Variants in FLI1 observed in about 807,000 individuals in gnomAD.
The protein encoded by FLI1 is Friend leukemia integration 1 transcription factor.
FLI1 carries 13 observed loss-of-function variants against 53.1 expected under a neutral mutation model. The ratio of observed to expected loss-of-function variants is 0.24; its 90% CI spans 0.16 to 0.39. The LOEUF (loss-of-function observed/expected upper bound fraction) is 0.39, where lower values mean the gene tolerates loss of function less well. FLI1 is among the 10% of genes least tolerant of loss of function. The probability of loss-of-function intolerance (pLI) is 1.00; values close to 1 mark genes in which losing one functional copy is unlikely to be tolerated. For missense variants in FLI1, 424 were observed against 600.5 expected, an observed-to-expected ratio of 0.71 and a Z score of 3.07; for synonymous variants, 244 against 236.7, an observed-to-expected ratio of 1.03 and a Z score of -0.28.
intron 5 of FLI1, among the ~76,000 whole-genome samples, chr11:128,789,109 G>A (rs761416389): frequency 6.6e-5 from 10 of 152,206 alleles, no homozygotes; most frequent in Non-Finnish European, 1.5e-4. Context: ...GCTGGAAATA[G>A]ATGTTGAAGC....
chr11:128,807,222 A>G lies in FLI1; in HGVS notation c.764A>G (p.Glu255Gly). ...GCACAAACGATCAGTAAGAATACAG[A>G]GCAACGGCCCCAGCCAGGTACCTGC... ...GGAQTISKNTEQRPQPDPYQI... is the reference protein window; with the variant it reads ...GGAQTISKNTGQRPQPDPYQI... Residue 255 changes from glutamate (E) to glycine (G), a missense_variant, in exon 7 of 9, where the codon GAG (glutamate) becomes GGG (glycine). Physicochemically the swap from Glu to Gly is moderately conservative, Grantham distance 98. This residue lies in a region of FLI1 where 71 missense variants were observed against 174.2 expected (regional missense o/e 0.41). Transcript: ENST00000527786. 1 of 1,599,396 alleles carries G rather than the reference A, an allele frequency of 6.3e-7. No individual in the cohort carries two copies. The highest frequency in any genetic ancestry group is 8.5e-7 in the Non-Finnish European group (1 of 1,172,712).
At chr11:128,746,166 C>T (rs536783191) in intron 1 of FLI1, among the ~76,000 whole-genome samples, 3 of 152,218 alleles carry the variant, frequency 2.0e-5, no homozygotes, top group South Asian at 2.1e-4. Flanking sequence ...TCCCATCGGG[C>T]GCTGAGGTTT....
At position 128,761,423 on chromosome 11, in the gene FLI1, G is replaced by A. The variant is rs1565486739; in HGVS notation, c.230+3097G>A. ...CACGTGGGCAGGGCCTGAAACGGTA[G>A]GTGCTCAATAAATTGTCGTCAAATA... On this transcript the variant is annotated intron_variant, in intron 2 of 8. Transcript: ENST00000527786. Among the ~76,000 whole-genome samples, 3 of 152,322 alleles carry A rather than the reference G, an allele frequency of 2.0e-5. No homozygotes were observed. The South Asian group carries it at 6.2e-4, about 32-fold the overall frequency.
At chr11:128,739,032 G>T (rs1429868902) in intron 1 of FLI1, among the ~76,000 whole-genome samples, 1 of 152,216 alleles carries the variant, frequency 6.6e-6, no homozygotes, top group Non-Finnish European at 1.5e-5. Flanking sequence ...AGTGCAGAGA[G>T]AACCTCAAAA....
intron 1 of FLI1, among the ~76,000 whole-genome samples, chr11:128,722,828 T>C (rs969116200): frequency 6.6e-6 from 1 of 152,118 alleles, no homozygotes; most frequent in Non-Finnish European, 1.5e-5. Flanking sequence ...TATCGAGCTC[T>C]GGGAACCGCG....
intron 1 of FLI1, among the ~76,000 whole-genome samples, chr11:128,741,382 G>C (rs963962656): frequency 1.3e-5 from 2 of 152,150 alleles, no homozygotes; most frequent in African/African-American, 4.8e-5. Context: ...AGCAGAGTGA[G>C]ACTCCGTCTC....
intron 1 of FLI1, among the ~76,000 whole-genome samples, chr11:128,694,664 T>C (rs1242541425): frequency 6.6e-6 from 1 of 151,924 alleles, no homozygotes; most frequent in Admixed American, 6.5e-5. Context: ...GCCCCAGCGC[T>C]AGGCACTGGG....
At chr11:128,789,408 G>A (rs912494276) in intron 5 of FLI1, among the ~76,000 whole-genome samples, 1 of 152,164 alleles carries the variant, frequency 6.6e-6, no homozygotes, top group African/African-American at 2.4e-5. Flanking sequence ...GCCGGGGAGG[G>A]CGGAGTAGGT....
At chr11:128,729,471 A>C (rs1398607079) in intron 1 of FLI1, among the ~76,000 whole-genome samples, 1 of 152,212 alleles carries the variant, frequency 6.6e-6, no homozygotes, top group Non-Finnish European at 1.5e-5. Context: ...GAGACTGAAC[A>C]ATGGTTGGCG....
chr11:128,805,038 G>A (rs959859870), intron 5 of FLI1: 7 of 241,786 alleles, frequency 2.9e-5, no homozygotes, highest in East Asian at 8.1e-5. Context: ...TTTTATTTCC[G>A]TATTAAAATT....
intron 2 of FLI1, among the ~76,000 whole-genome samples, chr11:128,761,133 C>T (rs998168401): frequency 6.6e-5 from 10 of 152,216 alleles, no homozygotes; most frequent in Admixed American, 1.3e-4. Context: ...TTCTTCCCTC[C>T]GCGCCAGCCT....
At chr11:128,771,228 T>G (rs1941543056) in intron 3 of FLI1, among the ~76,000 whole-genome samples, 1 of 152,234 alleles carries the variant, frequency 6.6e-6, no homozygotes, top group African/African-American at 2.4e-5. Context: ...GGCATTAGGT[T>G]GTTGGAATGA....
At chr11:128,727,038 C>A (rs2135746483) in intron 1 of FLI1, among the ~76,000 whole-genome samples, 1 of 152,148 alleles carries the variant, frequency 6.6e-6, no homozygotes, top group Middle Eastern at 3.4e-3. Flanking sequence ...TCTTGAAGGT[C>A]CTGCCTGGCG....
chr11:128,805,550 C>T (rs534224145), intron 6 of FLI1, 119 bp downstream of exon 6: 53 of 628,160 alleles, frequency 8.4e-5, no homozygotes, highest in Non-Finnish European at 1.4e-4. Context: ...TTTGAGTAGA[C>T]ATCAAAATTA....
In FLI1 at chr11:128,802,372, T is replaced by A. The variant is rs554726251; in HGVS notation, c.656-2994T>A. Among the ~76,000 whole-genome samples, 71 of 152,320 alleles carry A rather than the reference T, an allele frequency of 4.7e-4. No individual in the cohort carries two copies. In the South Asian group the frequency reaches 0.014, roughly 30 times the overall value. ...TCAGGCTGTCCTTTGTGCAGCCAGG[T>A]ACCAGTGGGAAGATTTTCCATGCAA... On this transcript the variant is annotated intron_variant, in intron 5 of 8. Transcript: ENST00000527786.
chr11:128,760,520 C>CTTTTTT (rs1179242159), intron 2 of FLI1, among the ~76,000 whole-genome samples: 11 of 103,582 alleles, frequency 1.1e-4, no homozygotes, highest in South Asian at 3.7e-4. Context: ...GTGGAGATTC[C>CTTTTTT]TTTTTTTTTT....
At chr11:128,725,375 G>A (rs976253084) in intron 1 of FLI1, among the ~76,000 whole-genome samples, 3 of 152,112 alleles carry the variant, frequency 2.0e-5, no homozygotes, top group African/African-American at 7.2e-5. Flanking sequence ...AGGACATAAG[G>A]CGGCCGGCCG....
At position 128,809,548 on chromosome 11, in the gene FLI1, G is replaced by T. The variant is rs73021478; in HGVS notation, c.829+344G>T. On this transcript the variant is annotated intron_variant, in intron 8 of 8. Transcript: ENST00000527786. ...AGACAACTCCACTCAGCTCTCAGTT[G>T]TCTCCCGCATGCCAGGCACAAGTTC... Among the ~76,000 whole-genome samples the T allele has an allele frequency of 7.5e-3, 1,149 of 152,316 alleles. 13 individuals are homozygous for T. The highest frequency in any genetic ancestry group is 9.7e-3 in the Admixed American group (148 of 15,296).
upstream of FLI1, among the ~76,000 whole-genome samples, chr11:128,691,411 C>T (rs1199547172): frequency 4.6e-5 from 7 of 152,152 alleles, no homozygotes; most frequent in South Asian, 2.1e-4. Context: ...CCGAGATTCC[C>T]GCAGGCATCT....
Sources: allele counts gnomAD v4.1 joint callset (sites outside exome capture counted in the v4.1 genomes callset), GRCh38; gene constraint gnomAD v4.1.1; regional missense constraint gnomAD v4.1.1; transcripts MANE v1.5; gene names NCBI Gene and HGNC (gene_info 2026-07-23, HGNC 2026-07-21).